PAPOLA: variants seen among roughly 807,000 people sequenced by gnomAD.
PAPOLA encodes poly(A) polymerase alpha.
Under a neutral mutation model 100.6 loss-of-function variants are expected in PAPOLA, and 15 were observed. The ratio of observed to expected loss-of-function variants is 0.15; its 90% CI spans 0.10 to 0.23. The LOEUF (loss-of-function observed/expected upper bound fraction) is 0.23, where lower values mean the gene tolerates loss of function less well. Ranked by LOEUF, PAPOLA falls within the 10% of genes least tolerant of loss-of-function variation. PAPOLA has a pLI of 1.00. For missense variants in PAPOLA, 533 were observed against 884.2 expected (o/e 0.60, Z 5.04); for synonymous variants, 293 against 300.0 (o/e 0.98, Z 0.24).
At chr14:96,529,504 C>T (rs1006044999) in intron 6 of PAPOLA, among the ~76,000 whole-genome samples, 18 of 151,534 alleles carry the variant, frequency 1.2e-4, no homozygotes, top group African/African-American at 4.4e-4. Context: ...AGGTGGATCA[C>T]GAGGTCAGGA....
chr14:96,554,654 G>C (rs1901144015), intron 17 of PAPOLA, among the ~76,000 whole-genome samples: 1 of 152,190 alleles, frequency 6.6e-6, no homozygotes, highest in Non-Finnish European at 1.5e-5. Flanking sequence ...TAGAGACAGA[G>C]AGAGAAACCA....
At chr14:96,513,457 C>A (rs1897238247) in intron 1 of PAPOLA, among the ~76,000 whole-genome samples, 1 of 152,238 alleles carries the variant, frequency 6.6e-6, no homozygotes, top group East Asian at 1.9e-4. Flanking sequence ...TCAGTTTGAA[C>A]CTTCTGTCCT....
chr14:96,561,082 A>T (rs1398560714), intron 20 of PAPOLA, among the ~76,000 whole-genome samples: 1 of 152,196 alleles, frequency 6.6e-6, no homozygotes, highest in East Asian at 1.9e-4. Context: ...TGGTCCTCAA[A>T]GGATACATAG....
chr14:96,542,998 A>G (rs1900117003), intron 14 of PAPOLA, 105 bp downstream of exon 14: 3 of 1,121,888 alleles, frequency 2.7e-6, no homozygotes, highest in African/African-American at 1.6e-5. Flanking sequence ...TGTTGACTAC[A>G]TATGGCTTAT....
chr14:96,536,571 A>G (rs187512644), intron 11 of PAPOLA, among the ~76,000 whole-genome samples: 1 of 152,090 alleles, frequency 6.6e-6, no homozygotes, highest in African/African-American at 2.4e-5. Context: ...AATATTTTAC[A>G]CTTTAGTTTC....
At position 96,557,571 on chromosome 14, in the gene PAPOLA, T is replaced by G. The variant is rs1373801298; in HGVS notation, c.2004+1158T>G. ...TCTAAAAGCACCAATTTCATTGTGT[T>G]TTTTTTTTTTGCTAAGAATGTATTT... is the stretch of plus-strand genomic sequence containing the variant. On this transcript the variant is annotated intron_variant, in intron 19 of 21. Transcript: ENST00000216277. Among the ~76,000 whole-genome samples, 12 of 84,390 alleles carry G rather than the reference T, an allele frequency of 1.4e-4. No individual in the cohort carries two copies. In the East Asian group the frequency reaches 2.6e-3, roughly 18 times the overall value. The allele number at this position is 84,390 out of a possible 152,430, so 55.4% of individuals were successfully genotyped here.
rs984515177 is a variant in PAPOLA, at chr14:96,534,676, G to T, written c.909+113G>T. The T allele has an allele frequency of 3.2e-5, 49 of 1,540,020 alleles. 1 individual carries two copies. The East Asian group carries it at 1.1e-3, about 33-fold the overall frequency. On this transcript the variant is annotated intron_variant, in intron 10 of 21. Transcript: ENST00000216277. ...CTTTTACTTATGAATGGTCATGTCCGTATTACACTTTCTTTTAGATAACCT... is the reference window on the plus strand; with the variant it reads ...CTTTTACTTATGAATGGTCATGTCCTTATTACACTTTCTTTTAGATAACCT...
chr14:96,537,278 C>G, intron 12 of PAPOLA: 3 of 528,060 alleles, frequency 5.7e-6, no homozygotes, highest in Non-Finnish European at 1.0e-5. Flanking sequence ...TGAACTCCTG[C>G]TACATTTGTA....
intron 1 of PAPOLA, 98 bp from the exon 2 acceptor site, chr14:96,519,957 T>C (rs1470040602): frequency 1.9e-6 from 2 of 1,040,536 alleles, no homozygotes; most frequent in Non-Finnish European, 2.8e-6. Context: ...CAATCATGTT[T>C]AGAAATGTGT....
At chr14:96,543,235 C>G (rs1900133485) in intron 14 of PAPOLA, among the ~76,000 whole-genome samples, 1 of 152,078 alleles carries the variant, frequency 6.6e-6, no homozygotes, top group South Asian at 2.1e-4. Context: ...GTCAGAATAG[C>G]TGGTATACCA....
intron 6 of PAPOLA, among the ~76,000 whole-genome samples, chr14:96,528,960 C>G (rs1457412537): frequency 1.3e-5 from 2 of 151,972 alleles, no homozygotes; most frequent in African/African-American, 4.8e-5. Context: ...TAAGTTGAGG[C>G]CTCATTTTCC....
intron 16 of PAPOLA, among the ~76,000 whole-genome samples, chr14:96,550,148 C>T (rs572571817): frequency 2.8e-4 from 42 of 152,222 alleles, no homozygotes; most frequent in African/African-American, 8.2e-4. Context: ...GACCCTGTCT[C>T]TTACAAAATA....
intron 13 of PAPOLA, chr14:96,542,507 A>G (rs1042383038): frequency 1.8e-6 from 1 of 545,574 alleles, no homozygotes; most frequent in Non-Finnish European, 3.2e-6. Context: ...AGATCCGTGC[A>G]TAATTTCTTA....
At chr14:96,560,804 G>A (rs1901780199) in intron 20 of PAPOLA, 93 bp downstream of exon 20, 1 of 865,534 alleles carries the variant, frequency 1.2e-6, no homozygotes, top group Non-Finnish European at 1.9e-6. Flanking sequence ...TTGTGCTATA[G>A]GTTTTAGATT....
intron 11 of PAPOLA, 195 bp from the exon 12 acceptor site, chr14:96,536,781 C>CA (rs1279402664): frequency 9.6e-6 from 4 of 415,970 alleles, no homozygotes; most frequent in South Asian, 5.9e-5. Context: ...ACCTGGTTCT[C>CA]AAAAAATCTT....
At chr14:96,547,620 T>C (rs1448254440) in intron 15 of PAPOLA, 177 bp from the exon 16 acceptor site, 1 of 478,396 alleles carries the variant, frequency 2.1e-6, no homozygotes, top group African/African-American at 2.0e-5. Flanking sequence ...CATCTTGTGG[T>C]AAAAGGAGTT....
At chr14:96,543,153 A>G (rs1247221591) in intron 14 of PAPOLA, among the ~76,000 whole-genome samples, 1 of 152,124 alleles carries the variant, frequency 6.6e-6, no homozygotes, top group African/African-American at 2.4e-5. Context: ...TTTACATTCT[A>G]CAGTTCTGCT....
At chr14:96,516,268 A>T (rs768645959) in intron 1 of PAPOLA, among the ~76,000 whole-genome samples, 5 of 152,114 alleles carry the variant, frequency 3.3e-5, no homozygotes, top group Admixed American at 1.3e-4. Context: ...TAAATTTCAG[A>T]GTATGCATTT....
At position 96,520,163 on chromosome 14, in the gene PAPOLA, A is replaced by G. The variant is rs771982702; in HGVS notation, c.117A>G (p.Thr39=). 2.5e-6 allele frequency: 4 copies of G among 1,613,880 alleles called. No homozygotes were observed. The highest frequency in any genetic ancestry group is 3.4e-6 in the Non-Finnish European group (4 of 1,179,884). The change falls in exon 2 of 22, where the codon ACA becomes ACG. Residue 39 remains threonine (T), a synonymous_variant. Coordinates refer to ENST00000216277, the MANE Select transcript of PAPOLA (RefSeq NM_032632.5). ...CCAAGGAGACTGACTGCGTACTTACACAGAAACTAATTGAGACATTGAAAC... is the reference window on the plus strand; with the variant it reads ...CCAAGGAGACTGACTGCGTACTTACGCAGAAACTAATTGAGACATTGAAAC... ...AAPKETDCVL[T]QKLIETLKPF...
Sources: allele counts gnomAD v4.1 joint callset (sites outside exome capture counted in the v4.1 genomes callset), GRCh38; gene constraint gnomAD v4.1.1; transcripts MANE v1.5; gene names NCBI Gene and HGNC (gene_info 2026-07-23, HGNC 2026-07-21).